Variants in AKNAD1 observed in about 807,000 individuals in gnomAD.
AKNAD1 encodes AKNA domain containing 1.
In AKNAD1, 67 loss-of-function variants were observed where a neutral mutation model predicts 90.8. That is an observed-to-expected ratio of 0.74 (90% confidence interval 0.61 to 0.90). The LOEUF is 0.90. AKNAD1 is among the 40% of genes least tolerant of loss of function. The probability of loss-of-function intolerance (pLI) is 0.00; values close to 1 mark genes in which losing one functional copy is unlikely to be tolerated. For missense variants in AKNAD1, 957 were observed against 975.4 expected (o/e 0.98, Z 0.25); for synonymous variants, 327 against 341.4 (o/e 0.96, Z 0.46).
At chr1:108,834,578 G>A (rs1176997554) in intron 8 of AKNAD1, 50 bp from the exon 9 acceptor site, 1 of 1,502,518 alleles carries the variant, frequency 6.7e-7, no homozygotes, top group African/African-American at 1.4e-5. Context: ...CAGTTCTTGA[G>A]CTACCTGGGA....
intron 10 of AKNAD1, among the ~76,000 whole-genome samples, chr1:108,830,177 A>G (rs923862641): frequency 6.6e-6 from 1 of 152,136 alleles, no homozygotes; most frequent in Non-Finnish European, 1.5e-5. Context: ...GTGGGCAATG[A>G]TCAAAAGCCT....
rs374287129 is a variant in AKNAD1 at position 108,852,135 on chromosome 1, T to C, written c.530A>G (p.Asp177Gly). Reference sequence around the variant, plus strand: ...ACCAGGCTTATTGCTGTTTTCACCATCCCTTTTCGGGTTGAGTTGGTCAGT... The same window carrying C: ...ACCAGGCTTATTGCTGTTTTCACCACCCCTTTTCGGGTTGAGTTGGTCAGT... ...ELTDQLNPKR[D>G]GENSNKPGSA... The change falls in exon 2 of 16, where the codon GAT becomes GGT. Residue 177 changes from aspartate (D) to glycine (G), a missense_variant. Transcript: ENST00000370001. The C allele has an allele frequency of 6.2e-6, 10 of 1,614,082 alleles. No individual in the cohort carries two copies. Among genetic ancestry groups the C allele is most frequent in the Middle Eastern group, 1.6e-4 (1 of 6,084 alleles).
intron 1 of AKNAD1, among the ~76,000 whole-genome samples, chr1:108,855,859 A>T (rs1005021891): frequency 6.8e-6 from 1 of 147,692 alleles, no homozygotes; most frequent in Non-Finnish European, 1.5e-5. Context: ...ATTTTTTAGA[A>T]CAAAAAAAAA....
intron 6 of AKNAD1, among the ~76,000 whole-genome samples, chr1:108,839,724 A>C (rs565372751): frequency 1.3e-5 from 2 of 152,348 alleles, no homozygotes; most frequent in Non-Finnish European, 2.9e-5. Context: ...TATTATTAGT[A>C]ACATGACAAG....
At position 108,823,609 on chromosome 1, in the gene AKNAD1, C is replaced by CT. The variant is rs759372780; in HGVS notation, c.2015dup (p.Ile673AspfsTer14). The CT allele has an allele frequency of 6.2e-7, 1 of 1,614,160 alleles. No homozygotes were observed. The highest frequency in any genetic ancestry group is 1.3e-5 in the African/African-American group (1 of 75,024). On this transcript the variant is annotated frameshift_variant, in exon 12 of 16. Transcript: ENST00000370001. LOFTEE classifies it high-confidence loss of function. ...TGCAGGCTCTTCGGGAGGTAGGAAT[C>CT]TTAGTGCCACAGTCCTGACATTTGT...
At position 108,827,257 on chromosome 1, in the gene AKNAD1, TC is replaced by T; in HGVS notation, c.1883del (p.Gly628GlufsTer87). On this transcript the variant is annotated frameshift_variant, in exon 11 of 16. Transcript: ENST00000370001. LOFTEE classifies it high-confidence loss of function. ...EKKGHGRINC[G>X]RFSIVLHEKA... ...TTTCATGAAGGACAATTGAAAATCT[TC>T]CACAGTTGATCCTTCCGTGGCCCTT... 6.2e-7 allele frequency: 1 copy of T among 1,611,934 alleles called. No homozygotes were observed. The highest frequency in any genetic ancestry group is 8.5e-7 in the Non-Finnish European group (1 of 1,179,504).
At chr1:108,831,155 G>A (rs1664183642) in intron 9 of AKNAD1, among the ~76,000 whole-genome samples, 1 of 152,178 alleles carries the variant, frequency 6.6e-6, no homozygotes, top group Non-Finnish European at 1.5e-5. Context: ...GGGACTGTCT[G>A]GGGGCCTAAA....
At chr1:108,822,712 C>T (rs1426578990) in intron 13 of AKNAD1, among the ~76,000 whole-genome samples, 2 of 152,192 alleles carry the variant, frequency 1.3e-5, no homozygotes, top group Admixed American at 6.5e-5. Flanking sequence ...CCAGGTATAG[C>T]TGTCGTTCAG....
At chr1:108,853,501 G>A (rs929647455) in intron 1 of AKNAD1, among the ~76,000 whole-genome samples, 5 of 151,620 alleles carry the variant, frequency 3.3e-5, no homozygotes, top group Admixed American at 1.3e-4. Flanking sequence ...GCCATGTGGC[G>A]ATGGAAGCTG....
intron 5 of AKNAD1, among the ~76,000 whole-genome samples, chr1:108,846,449 CGTT>C (rs1664703023): frequency 6.6e-6 from 1 of 152,140 alleles, no homozygotes; most frequent in Non-Finnish European, 1.5e-5. Flanking sequence ...TCTTGCTTAT[CGTT>C]GTTTCTTCCA....
chr1:108,855,993 A>G (rs1314563282), intron 1 of AKNAD1, among the ~76,000 whole-genome samples: 1 of 151,102 alleles, frequency 6.6e-6, no homozygotes, highest in Non-Finnish European at 1.5e-5. Context: ...CTGGGACTAC[A>G]GGCGCACACC....
At position 108,852,299 on chromosome 1, in the gene AKNAD1, G is replaced by C. The variant is rs748512721; in HGVS notation, c.366C>G (p.Phe122Leu). The C allele has an allele frequency of 1.2e-6, 2 of 1,614,046 alleles. No homozygotes were observed. Among genetic ancestry groups the C allele is most frequent in the Admixed American group, 3.3e-5 (2 of 59,996 alleles). Residue 122 changes from phenylalanine (F) to leucine (L), a missense_variant, in exon 2 of 16, where the codon TTC (phenylalanine) becomes TTG (leucine). Physicochemically the swap from Phe to Leu is conservative, Grantham distance 22. Transcript: ENST00000370001. Reference protein sequence around the residue: ...ILLHHLSKEPFLRGQGIDCET... With the variant: ...ILLHHLSKEPLLRGQGIDCET... Reference sequence around the variant, plus strand: ...CACAATCAATGCCTTGACCTCTTAAGAATGGCTCTTTGGAAAGATGATGAA... The same window carrying C: ...CACAATCAATGCCTTGACCTCTTAACAATGGCTCTTTGGAAAGATGATGAA...
At chr1:108,824,899 T>C (rs2101166509) in intron 11 of AKNAD1, among the ~76,000 whole-genome samples, 1 of 151,752 alleles carries the variant, frequency 6.6e-6, no homozygotes, top group African/African-American at 2.4e-5. Context: ...AGGCTGGGTT[T>C]AGTGACTCAC....
intron 1 of AKNAD1, among the ~76,000 whole-genome samples, chr1:108,855,058 G>A (rs910715433): frequency 6.6e-6 from 1 of 152,226 alleles, no homozygotes; most frequent in Non-Finnish European, 1.5e-5. Context: ...CCCAGGTCCA[G>A]AGGTGAGGCA....
intron 14 of AKNAD1, among the ~76,000 whole-genome samples, chr1:108,818,894 G>A (rs1386322964): frequency 6.7e-6 from 1 of 148,996 alleles, no homozygotes; most frequent in Non-Finnish European, 1.5e-5. Context: ...ACCTGGTGGG[G>A]CAGAGGTTGC....
intron 14 of AKNAD1, among the ~76,000 whole-genome samples, chr1:108,819,570 A>C (rs1395018201): frequency 6.7e-6 from 1 of 150,066 alleles, no homozygotes; most frequent in Non-Finnish European, 1.5e-5. Context: ...CAGTGAGCCA[A>C]GATTGCACTC....
upstream of AKNAD1, among the ~76,000 whole-genome samples, chr1:108,857,676 A>G (rs969372918): frequency 1.3e-5 from 2 of 152,188 alleles, no homozygotes; most frequent in African/African-American, 4.8e-5. Context: ...AACCAGGCAA[A>G]CTGGGGACTA....
chr1:108,857,336 A>C (rs976132279), upstream of AKNAD1: 8 of 153,098 alleles, frequency 5.2e-5, no homozygotes, highest in African/African-American at 1.9e-4. Flanking sequence ...TTGATGCTGA[A>C]GTGCTAGCCT....
At chr1:108,853,675 T>C (rs1664940742) in intron 1 of AKNAD1, among the ~76,000 whole-genome samples, 1 of 151,922 alleles carries the variant, frequency 6.6e-6, no homozygotes, top group African/African-American at 2.4e-5. Flanking sequence ...GCCTCACACC[T>C]GTAATCCCAG....
Sources: gnomAD v4.1 joint callset for allele counts (sites outside exome capture counted in the v4.1 genomes callset) on GRCh38, gnomAD v4.1.1 for gene constraint, MANE v1.5 for transcripts, NCBI Gene and HGNC (gene_info 2026-07-23, HGNC 2026-07-21) for gene names.